CDKAL1: variants seen among roughly 807,000 people sequenced by gnomAD.
CDKAL1 encodes the protein CDKAL1 threonylcarbamoyladenosine tRNA methylthiotransferase, also known as threonylcarbamoyladenosine tRNA methylthiotransferase.
CDKAL1 carries 32 observed loss-of-function variants against 68.2 expected under a neutral mutation model. The ratio of observed to expected loss-of-function variants is 0.47; its 90% CI spans 0.35 to 0.63. The LOEUF is 0.63. Ranked by LOEUF, CDKAL1 falls within the 30% of genes least tolerant of loss-of-function variation. The pLI, the probability that CDKAL1 is intolerant of heterozygous loss-of-function variation, is 0.00. For missense variants in CDKAL1, 606 were observed against 696.7 expected, an observed-to-expected ratio of 0.87 and a Z score of 1.47; for synonymous variants, 234 against 244.3, an observed-to-expected ratio of 0.96 and a Z score of 0.39.
chr6:21,169,105 A>G (rs1777268568), intron 13 of CDKAL1, among the ~76,000 whole-genome samples: 1 of 152,196 alleles, frequency 6.6e-6, no homozygotes, highest in Admixed American at 6.5e-5. Context: ...AGATGAAAGA[A>G]ATACGGGCAG....
intron 9 of CDKAL1, among the ~76,000 whole-genome samples, chr6:20,933,820 T>C (rs558019389): frequency 6.6e-6 from 1 of 152,338 alleles, no homozygotes; most frequent in African/African-American, 2.4e-5. Context: ...AATTTGCATA[T>C]TTTGTAATTT....
intron 13 of CDKAL1, among the ~76,000 whole-genome samples, chr6:21,185,224 TA>T (rs35442433): frequency 0.011 from 1,608 of 142,496 alleles, 4 homozygotes; most frequent in East Asian, 0.023. Context: ...GAGAGGCCAT[TA>T]AAAAAAAAAA....
At chr6:21,230,354 G>C (rs550270869) in intron 15 of CDKAL1, among the ~76,000 whole-genome samples, 135 of 152,296 alleles carry the variant, frequency 8.9e-4, no homozygotes, top group African/African-American at 3.2e-3. Context: ...TGGAGACGGG[G>C]TTTCACCATG....
At position 20,955,545 on chromosome 6, in the gene CDKAL1, T is replaced by G; in HGVS notation, c.869T>G (p.Leu290Arg). The G allele has an allele frequency of 6.2e-7, 1 of 1,614,160 alleles. No homozygotes were observed. Among genetic ancestry groups the G allele is most frequent in the Non-Finnish European group, 8.5e-7 (1 of 1,180,018 alleles). The part of the protein sequence containing the change: ...EVIPEGAMLR[L>R]GMTNPPYILE... ...ATTCCTGAGGGAGCAATGCTGAGGC[T>G]TGGCATGACAAATCCGCCCTATATT... The change falls in exon 10 of 16, where the codon CTT becomes CGT. Residue 290 changes from leucine (L) to arginine (R), a missense_variant. Leu to Arg is a moderately radical substitution (Grantham distance 102). Transcript: ENST00000274695.
intron 9 of CDKAL1, among the ~76,000 whole-genome samples, chr6:20,863,113 T>C (rs531388706): frequency 3.0e-4 from 45 of 152,298 alleles, no homozygotes; most frequent in African/African-American, 1.1e-3. Context: ...AACATGCAAA[T>C]TTTATTTTGG....
intron 8 of CDKAL1, among the ~76,000 whole-genome samples, chr6:20,827,297 T>C (rs535644406): frequency 8.5e-5 from 13 of 152,290 alleles, no homozygotes; most frequent in African/African-American, 3.1e-4. Flanking sequence ...ACCTACCACA[T>C]GGGGCAGTTT....
intron 4 of CDKAL1, 92 bp downstream of exon 4, chr6:20,548,797 A>G: frequency 1.7e-6 from 1 of 599,198 alleles, no homozygotes; most frequent in Non-Finnish European, 2.9e-6. Context: ...GTATTTTAGC[A>G]TGACAGTGAT....
chr6:20,745,301 A>G (rs1038728713), intron 6 of CDKAL1, among the ~76,000 whole-genome samples: 5 of 152,334 alleles, frequency 3.3e-5, no homozygotes, highest in African/African-American at 9.6e-5. Flanking sequence ...GAATATTTCT[A>G]TCGTACACCA....
intron 8 of CDKAL1, among the ~76,000 whole-genome samples, chr6:20,802,963 T>C (rs976833401): frequency 1.3e-5 from 2 of 152,216 alleles, no homozygotes; most frequent in African/African-American, 2.4e-5. Flanking sequence ...CATGTTATCT[T>C]GACAGATGTC....
chr6:20,838,151 A>G (rs1334683111), intron 8 of CDKAL1, among the ~76,000 whole-genome samples: 1 of 152,106 alleles, frequency 6.6e-6, no homozygotes, highest in Non-Finnish European at 1.5e-5. Context: ...TATTAGGAAT[A>G]TATCTTACAT....
intron 15 of CDKAL1, among the ~76,000 whole-genome samples, chr6:21,202,031 C>T (rs757731015): frequency 2.6e-5 from 4 of 151,828 alleles, no homozygotes; most frequent in South Asian, 2.1e-4. Flanking sequence ...CATGTAATTC[C>T]GAAATTGTTT....
intron 5 of CDKAL1, among the ~76,000 whole-genome samples, chr6:20,650,893 A>G (rs188654322): frequency 4.9e-4 from 75 of 152,068 alleles, no homozygotes; most frequent in African/African-American, 1.6e-3. Flanking sequence ...TGAGTTCTCT[A>G]TTCTGTTTCC....
At chr6:20,606,764 G>C (rs768466315) in intron 4 of CDKAL1, among the ~76,000 whole-genome samples, 1 of 152,184 alleles carries the variant, frequency 6.6e-6, no homozygotes, top group Admixed American at 6.5e-5. Flanking sequence ...GAGATGCTTC[G>C]TAAAATCTAT....
intron 9 of CDKAL1, among the ~76,000 whole-genome samples, chr6:20,883,234 A>G (rs987554069): frequency 2.0e-5 from 3 of 152,236 alleles, no homozygotes; most frequent in African/African-American, 4.8e-5. Flanking sequence ...TGGATAGGAA[A>G]TGGAGCAGTG....
chr6:21,006,315 A>G (rs1301729967), intron 11 of CDKAL1, among the ~76,000 whole-genome samples: 1 of 152,230 alleles, frequency 6.6e-6, no homozygotes, highest in Non-Finnish European at 1.5e-5. Context: ...AGAAAAAAAA[A>G]GAATGATTCA....
intron 5 of CDKAL1, among the ~76,000 whole-genome samples, chr6:20,655,577 A>G (rs1768988138): frequency 6.6e-6 from 1 of 152,122 alleles, no homozygotes; most frequent in Admixed American, 6.5e-5. Context: ...TTCTTACAGG[A>G]GCACACATCC....
chr6:21,200,130 G>A (rs1041588332), intron 14 of CDKAL1, among the ~76,000 whole-genome samples: 1 of 152,204 alleles, frequency 6.6e-6, no homozygotes, highest in Non-Finnish European at 1.5e-5. Context: ...TGAAAAGACT[G>A]GCAAGTCGCT....
chr6:21,080,585 T>C (rs568302357), intron 12 of CDKAL1, among the ~76,000 whole-genome samples: 34 of 152,332 alleles, frequency 2.2e-4, no homozygotes, highest in South Asian at 1.7e-3. Context: ...TCCCAACCTT[T>C]TCCCTCTGTA....
intron 11 of CDKAL1, among the ~76,000 whole-genome samples, chr6:21,007,731 A>G (rs774717487): frequency 1.3e-5 from 2 of 152,230 alleles, no homozygotes; most frequent in Non-Finnish European, 2.9e-5. Flanking sequence ...TTTCATGCCA[A>G]GCACTACTGT....
Sources: gnomAD v4.1 joint callset for allele counts (sites outside exome capture counted in the v4.1 genomes callset) on GRCh38, gnomAD v4.1.1 for gene constraint, MANE v1.5 for transcripts, NCBI Gene and HGNC (gene_info 2026-07-23, HGNC 2026-07-21) for gene names.